The following CNGB3 variants were observed in gnomAD, a reference collection of about 807,000 sequenced individuals.
CNGB3 encodes the protein cyclic nucleotide gated channel subunit beta 3.
CNGB3 carries 86 observed loss-of-function variants against 92.8 expected under a neutral mutation model. The ratio of observed to expected loss-of-function variants is 0.93; its 90% confidence interval spans 0.78 to 1.11. CNGB3 has a LOEUF of 1.11. Ranked by LOEUF, CNGB3 falls within the 50% of genes least tolerant of loss-of-function variation. The pLI, the probability that CNGB3 is intolerant of heterozygous loss-of-function variation, is 0.00. For synonymous variants in CNGB3, 333 were observed against 332.7 expected (o/e 1.00, Z -0.01); for missense variants, 1,026 against 956.8 (o/e 1.07, Z -0.95).
At position 86,580,195 on chromosome 8, in the gene CNGB3, G is replaced by GT. The variant is rs1273274866; in HGVS notation, c.1782-944_1782-943insA. Among the ~76,000 whole-genome samples the GT allele has an allele frequency of 3.3e-5, 5 of 150,274 alleles. No homozygotes were observed. In the South Asian group the frequency reaches 8.4e-4, roughly 25 times the overall value. On this transcript the variant is annotated intron_variant, in intron 15 of 17. Transcript: ENST00000320005. ...TCATTATCACGAGAATAGCACGGGG[G>GT]GGGTGGCGGGGGGAACTGCCCTCAT...
Position 86,605,490 on chromosome 8 carries a change from T to C in CNGB3, c.1663-1279A>G, listed in dbSNP as rs182178573. On this transcript the variant is annotated intron_variant, in intron 14 of 17. Coordinates refer to ENST00000320005, the MANE Select transcript of CNGB3 (RefSeq NM_019098.5). ...AATAGCATTAATACAATAAATTCACTTACTTGGCTTAGGAGGGGACTGGGT... is the reference window on the plus strand; with the variant it reads ...AATAGCATTAATACAATAAATTCACCTACTTGGCTTAGGAGGGGACTGGGT... Among the ~76,000 whole-genome samples the C allele has an allele frequency of 2.0e-5, 3 of 152,320 alleles. No homozygotes were observed. In the East Asian group the frequency reaches 5.8e-4, roughly 29 times the overall value.
At chr8:86,580,224 C>T (rs930128956) in intron 15 of CNGB3, among the ~76,000 whole-genome samples, 4 of 151,906 alleles carry the variant, frequency 2.6e-5, no homozygotes, top group Non-Finnish European at 4.4e-5. Flanking sequence ...CCCTCATGAT[C>T]CAGTCACCTC....
chr8:86,619,225 C>T (rs1292950214), intron 13 of CNGB3, among the ~76,000 whole-genome samples: 1 of 152,142 alleles, frequency 6.6e-6, no homozygotes, highest in Admixed American at 6.5e-5. Context: ...TCTCCCGTTT[C>T]TGGTAATGCA....
chr8:86,693,874 C>T (rs186661930), intron 3 of CNGB3, among the ~76,000 whole-genome samples: 2 of 152,258 alleles, frequency 1.3e-5, no homozygotes, highest in African/African-American at 2.4e-5. Flanking sequence ...AACCATCCGA[C>T]CTCTCAATCT....
chr8:86,608,988 A>T (rs1197506641), intron 14 of CNGB3, among the ~76,000 whole-genome samples: 1 of 152,086 alleles, frequency 6.6e-6, no homozygotes, highest in Non-Finnish European at 1.5e-5. Context: ...ACACTCTCTC[A>T]TCGCCGCACA....
intron 7 of CNGB3, among the ~76,000 whole-genome samples, chr8:86,650,308 C>T (rs1454014879): frequency 5.9e-5 from 9 of 151,386 alleles, no homozygotes. Flanking sequence ...AGTCATTAGT[C>T]ATTAGCCATT....
At chr8:86,596,135 A>G (rs1822166813) in intron 15 of CNGB3, among the ~76,000 whole-genome samples, 1 of 152,224 alleles carries the variant, frequency 6.6e-6, no homozygotes, top group Non-Finnish European at 1.5e-5. Context: ...AAATCAATTC[A>G]TTTAGCAAAT....
intron 15 of CNGB3, among the ~76,000 whole-genome samples, chr8:86,594,920 C>T (rs1340646611): frequency 6.6e-6 from 1 of 152,042 alleles, no homozygotes; most frequent in Non-Finnish European, 1.5e-5. Flanking sequence ...GACAGGGTTT[C>T]ACCATGTTGG....
intron 3 of CNGB3, among the ~76,000 whole-genome samples, chr8:86,681,800 T>C (rs1205381552): frequency 6.6e-6 from 1 of 152,196 alleles, no homozygotes; most frequent in East Asian, 1.9e-4. Flanking sequence ...TAGAAGCTAA[T>C]GGAGCAATGT....
intron 3 of CNGB3, among the ~76,000 whole-genome samples, chr8:86,711,283 T>C (rs1473166739): frequency 6.6e-6 from 1 of 152,176 alleles, no homozygotes; most frequent in African/African-American, 2.4e-5. Context: ...GCTTTATTCA[T>C]GGATTTTTGC....
intron 3 of CNGB3, among the ~76,000 whole-genome samples, chr8:86,686,492 T>C (rs149239398): frequency 7.8e-4 from 119 of 152,242 alleles, no homozygotes; most frequent in African/African-American, 2.6e-3. Flanking sequence ...GTGTAAAAGA[T>C]ATTACATCCT....
chr8:86,694,179 C>G (rs1308643272), intron 3 of CNGB3, among the ~76,000 whole-genome samples: 2 of 121,152 alleles, frequency 1.7e-5, no homozygotes, highest in South Asian at 2.6e-4. Context: ...GGGGGGCTGA[C>G]CCCCCCCACC....
At chr8:86,599,090 G>A (rs527569210) in intron 15 of CNGB3, among the ~76,000 whole-genome samples, 27 of 152,258 alleles carry the variant, frequency 1.8e-4, no homozygotes, top group Admixed American at 1.2e-3. Context: ...CGGAGGGACC[G>A]GCTGAAGCCA....
chr8:86,587,477 C>G (rs1033988808), intron 15 of CNGB3, among the ~76,000 whole-genome samples: 2 of 152,152 alleles, frequency 1.3e-5, no homozygotes, highest in Non-Finnish European at 2.9e-5. Flanking sequence ...TTAGGTCTAA[C>G]GTTTAAGTCT....
At chr8:86,617,326 T>A (rs967668822) in intron 13 of CNGB3, among the ~76,000 whole-genome samples, 13 of 152,232 alleles carry the variant, frequency 8.5e-5, no homozygotes, top group Admixed American at 8.5e-4. Flanking sequence ...AGCATCAGTA[T>A]TTTATAACTC....
At position 86,579,197 on chromosome 8, in the gene CNGB3, A is replaced by G; in HGVS notation, c.1837T>C (p.Phe613Leu). The G allele has an allele frequency of 6.2e-7, 1 of 1,614,050 alleles. No homozygotes were observed. The highest frequency in any genetic ancestry group is 8.5e-7 in the Non-Finnish European group (1 of 1,180,008). Residue 613 changes from phenylalanine to leucine, a missense_variant, in exon 16 of 18, where the codon TTT becomes CTT. Phe to Leu is a conservative substitution (Grantham distance 22, BLOSUM62 0). Transcript: ENST00000320005. ...RRTANVVAHG[F>L]ANLLTLDKKT... The stretch of plus-strand genomic sequence containing the variant: ...TTGTCTAGAGTTAAAAGATTGGCAA[A>G]CCCGTGGGCCACCACATTGGCAGTT...
intron 3 of CNGB3, among the ~76,000 whole-genome samples, chr8:86,693,143 C>T (rs1437388882): frequency 6.6e-6 from 1 of 152,138 alleles, no homozygotes; most frequent in East Asian, 1.9e-4. Context: ...AATGCTTTTG[C>T]CTCATAGCTC....
chr8:86,702,500 A>G (rs1824574498), intron 3 of CNGB3, among the ~76,000 whole-genome samples: 1 of 152,226 alleles, frequency 6.6e-6, no homozygotes, highest in Non-Finnish European at 1.5e-5. Context: ...AAATTCCCCC[A>G]AATAGTAGCA....
intron 2 of CNGB3, among the ~76,000 whole-genome samples, chr8:86,730,725 T>A (rs1028182149): frequency 6.6e-6 from 1 of 152,240 alleles, no homozygotes; most frequent in Non-Finnish European, 1.5e-5. Flanking sequence ...GTGGCTAATT[T>A]CAGAGTTGCT....
Sources: gnomAD v4.1 joint callset for allele counts (sites outside exome capture counted in the v4.1 genomes callset) on GRCh38, gnomAD v4.1.1 for gene constraint, MANE v1.5 for transcripts, NCBI Gene and HGNC (gene_info 2026-07-23, HGNC 2026-07-21) for gene names.